The following OR9Q1 variants were observed in gnomAD, a reference collection of about 807,000 sequenced individuals.
OR9Q1 encodes olfactory receptor family 9 subfamily Q member 1.
For missense variants in OR9Q1, 374 were observed against 378.8 expected, an observed-to-expected ratio of 0.99 and a Z score of 0.11; for synonymous variants, 153 against 148.6, an observed-to-expected ratio of 1.03 and a Z score of -0.22.
At chr11:58,024,756 G>A (rs1192506829) in intron 1 of OR9Q1, among the ~76,000 whole-genome samples, 1 of 152,198 alleles carries the variant, frequency 6.6e-6, no homozygotes, top group East Asian at 1.9e-4. Flanking sequence ...AGCGGATGCT[G>A]TTAATAGCCC....
At position 58,106,556 on chromosome 11, in the gene OR9Q1, C is replaced by T. The variant is rs1211474631; in HGVS notation, c.-15+50609C>T. ...TTGTTTGTGTTTTTGGTGTCATTAT[C>T]TATGAAATTACTGGCAAGACCAATG... On this transcript the variant is annotated intron_variant, in intron 2 of 2. Coordinates refer to ENST00000335397, the MANE Select transcript of OR9Q1 (RefSeq NM_001005212.4). Among the ~76,000 whole-genome samples the T allele has an allele frequency of 2.0e-5, 3 of 152,158 alleles. No homozygotes were observed. In the East Asian group the frequency reaches 5.8e-4, roughly 29 times the overall value.
At chr11:58,159,940 A>G (rs1009663902) in intron 2 of OR9Q1, among the ~76,000 whole-genome samples, 16 of 152,256 alleles carry the variant, frequency 1.1e-4, no homozygotes, top group African/African-American at 3.6e-4. Context: ...GAAACTGAGC[A>G]GATCTTAATA....
intron 2 of OR9Q1, among the ~76,000 whole-genome samples, chr11:58,163,077 A>G (rs1248598998): frequency 6.6e-6 from 1 of 152,198 alleles, no homozygotes; most frequent in African/African-American, 2.4e-5. Flanking sequence ...AGAAGGTGAC[A>G]ATTCCTATGG....
At chr11:58,136,619 G>A (rs1454152821) in intron 2 of OR9Q1, among the ~76,000 whole-genome samples, 2 of 152,128 alleles carry the variant, frequency 1.3e-5, no homozygotes, top group Non-Finnish European at 2.9e-5. Context: ...TACGAATTTA[G>A]GCGATGTATC....
At chr11:58,171,649 TC>T (rs1191026309) in intron 2 of OR9Q1, 2 of 151,886 alleles carry the variant, frequency 1.3e-5, no homozygotes, top group African/African-American at 4.9e-5. Flanking sequence ...GGCTGACCAT[TC>T]CAATTTTATA....
At chr11:58,038,311 A>G (rs1853128209) in intron 1 of OR9Q1, among the ~76,000 whole-genome samples, 2 of 152,232 alleles carry the variant, frequency 1.3e-5, no homozygotes, top group African/African-American at 4.8e-5. Context: ...TGGCAGATCA[A>G]TCTGCAATGA....
At chr11:58,157,662 C>G (rs1444287402) in intron 2 of OR9Q1, among the ~76,000 whole-genome samples, 1 of 152,180 alleles carries the variant, frequency 6.6e-6, no homozygotes, top group East Asian at 1.9e-4. Context: ...GTTTGATGAC[C>G]TGTAAGCCAA....
At chr11:58,029,642 T>G (rs1853010096) in intron 1 of OR9Q1, among the ~76,000 whole-genome samples, 1 of 152,194 alleles carries the variant, frequency 6.6e-6, no homozygotes. Context: ...AATGGGATTA[T>G]TTAGTGATTC....
At chr11:58,108,769 T>G in intron 2 of OR9Q1, 1 of 209,708 alleles carries the variant, frequency 4.8e-6, no homozygotes. Flanking sequence ...AAATGCAGCT[T>G]TTACATCTTT....
At chr11:58,141,340 A>T (rs1410504398) in intron 2 of OR9Q1, among the ~76,000 whole-genome samples, 1 of 152,176 alleles carries the variant, frequency 6.6e-6, no homozygotes, top group Admixed American at 6.5e-5. Flanking sequence ...ATTCAGTATG[A>T]TATTGGCTGT....
rs112662852 is a variant in OR9Q1 at position 58,121,950 on chromosome 11, C to T, written c.-14-57481C>T. Among the ~76,000 whole-genome samples the T allele has an allele frequency of 2.9e-4, 44 of 152,186 alleles. 1 individual carries two copies. The highest frequency in any genetic ancestry group is 8.7e-4 in the African/African-American group (36 of 41,508). On this transcript the variant is annotated intron_variant, in intron 2 of 2. Coordinates refer to ENST00000335397, the MANE Select transcript of OR9Q1 (RefSeq NM_001005212.4). The stretch of plus-strand genomic sequence containing the variant: ...CAACTGACAGAGGTTAATGACTTGT[C>T]CAAAAGTCAAATAATTAGCTATTTG...
intron 2 of OR9Q1, among the ~76,000 whole-genome samples, chr11:58,150,374 C>T (rs187465732): frequency 5.9e-5 from 9 of 152,252 alleles, no homozygotes; most frequent in Admixed American, 1.3e-4. Context: ...TGGTATCAAG[C>T]GATCCTCCTA....
rs1854663422 is a variant in OR9Q1 at position 58,181,300 on chromosome 11, A to G, written c.*923A>G. On this transcript the variant is annotated 3_prime_UTR_variant, in exon 3 of 3. Coordinates refer to ENST00000335397, the MANE Select transcript of OR9Q1 (RefSeq NM_001005212.4). ...TGAAAGCTTTTTCCTTCAGGGAGGC[A>G]GAACATTGCTGCATTCCACATGGCG... 7 of 167,100 alleles carry G rather than the reference A, an allele frequency of 4.2e-5. No individual in the cohort carries two copies. 10.4% of individuals were successfully genotyped at this position (167,100 alleles called of 1,614,324 possible).
intron 1 of OR9Q1, among the ~76,000 whole-genome samples, chr11:58,034,752 T>TTCCTTCCTTCCTTCCTTCCTTCCTTCCC: frequency 7.3e-6 from 1 of 136,310 alleles, no homozygotes; most frequent in Admixed American, 7.6e-5. Context: ...CCTTCCTTCC[T>TTCCTTCCTTCCTTCCTTCCTTCCTTCCC]TCCTTCCTTC....
rs534015268 is a variant in OR9Q1 at position 58,137,073 on chromosome 11, G to A, written c.-14-42358G>A. ...ACTGTTATTGGGCTAATGCAGAGAG[G>A]GCTGATGATTCCGATTATTCTGACA... On this transcript the variant is annotated intron_variant, in intron 2 of 2. Transcript: ENST00000335397. 2.6e-5 allele frequency among the ~76,000 whole-genome samples: 4 copies of A among 152,240 alleles called. No individual in the cohort carries two copies. In the South Asian group the frequency reaches 8.3e-4, roughly 32 times the overall value.
At position 58,180,160 on chromosome 11, in the gene OR9Q1, C is replaced by A; in HGVS notation, c.716C>A (p.Thr239Asn). Residue 239 changes from threonine to asparagine, a missense_variant, in exon 3 of 3, where the codon ACC (threonine) becomes AAC (asparagine). Transcript: ENST00000335397. ...PAGSQAKTFSTCTSHLTAVSL... is the reference protein window; with the variant it reads ...PAGSQAKTFSNCTSHLTAVSL... ...GGAAGCCAGGCCAAGACCTTCTCCACCTGCACCTCCCACCTCACTGCTGTG... is the reference window on the plus strand; with the variant it reads ...GGAAGCCAGGCCAAGACCTTCTCCAACTGCACCTCCCACCTCACTGCTGTG... 1.2e-6 allele frequency: 2 copies of A among 1,613,988 alleles called. No homozygotes were observed. Among genetic ancestry groups the A allele is most frequent in the Non-Finnish European group, 1.7e-6 (2 of 1,179,940 alleles).
intron 2 of OR9Q1, among the ~76,000 whole-genome samples, chr11:58,111,622 C>A (rs1180488824): frequency 6.6e-6 from 1 of 152,078 alleles, no homozygotes; most frequent in Non-Finnish European, 1.5e-5. Flanking sequence ...AGGTATGTAG[C>A]CATCCTACAT....
intron 2 of OR9Q1, among the ~76,000 whole-genome samples, chr11:58,136,626 T>C (rs1565086870): frequency 6.6e-6 from 1 of 152,200 alleles, no homozygotes; most frequent in Admixed American, 6.5e-5. Flanking sequence ...TTAGGCGATG[T>C]ATCACATGGC....
At chr11:58,098,093 AC>A (rs1853748599) in intron 2 of OR9Q1, among the ~76,000 whole-genome samples, 1 of 152,218 alleles carries the variant, frequency 6.6e-6, no homozygotes, top group Non-Finnish European at 1.5e-5. Flanking sequence ...AACTAAAAAA[AC>A]AAGTTGAACA....
Sources: allele counts gnomAD v4.1 joint callset (sites outside exome capture counted in the v4.1 genomes callset), GRCh38; gene constraint gnomAD v4.1.1; transcripts MANE v1.5; gene names NCBI Gene and HGNC (gene_info 2026-07-23, HGNC 2026-07-21).